The following DLC1 variants were observed in gnomAD, a reference collection of about 807,000 sequenced individuals.
DLC1 encodes the protein DLC1 Rho GTPase activating protein, also known as rho GTPase-activating protein 7.
A neutral mutation model predicts 140.3 loss-of-function variants in DLC1; 54 were observed. The ratio of observed to expected loss-of-function variants is 0.38; its 90% CI spans 0.31 to 0.48. The LOEUF is 0.48. Among genes scored for constraint, DLC1 ranks in the 20% least tolerant of loss-of-function variants. The pLI, the probability that DLC1 is intolerant of heterozygous loss-of-function variation, is 0.96. For missense variants in DLC1, 2,536 were observed against 1,907.0 expected, an observed-to-expected ratio of 1.33 and a Z score of -6.14; for synonymous variants, 986 against 728.1, an observed-to-expected ratio of 1.35 and a Z score of -5.70.
intron 4 of DLC1, among the ~76,000 whole-genome samples, chr8:13,358,142 C>T (rs1222095179): frequency 1.3e-5 from 2 of 152,122 alleles, no homozygotes; most frequent in Non-Finnish European, 2.9e-5. Flanking sequence ...TTCCTATTCA[C>T]CGTAAGTTTT....
intron 5 of DLC1, among the ~76,000 whole-genome samples, chr8:13,231,441 T>G (rs1318462216): frequency 6.6e-6 from 1 of 152,254 alleles, no homozygotes; most frequent in Non-Finnish European, 1.5e-5. Context: ...AGATGATTTC[T>G]AGAGTTTCTA....
chr8:13,195,036 G>T (rs565034769), intron 5 of DLC1, among the ~76,000 whole-genome samples: 1 of 152,234 alleles, frequency 6.6e-6, no homozygotes, highest in South Asian at 2.1e-4. Context: ...AGTAAACCTA[G>T]AAAAACCAAA....
At position 13,114,085 on chromosome 8, in the gene DLC1, G is replaced by T. The variant is rs118157549; in HGVS notation, c.1420+1501C>A. On this transcript the variant is annotated intron_variant, in intron 6 of 17. Coordinates refer to ENST00000276297, the MANE Select transcript of DLC1 (RefSeq NM_182643.3). Reference sequence around the variant, plus strand: ...CCATTTAAATGAACTGCCTAGGCCAGGCGTGGTTGCTCATGTCTGTAATCC... The same window carrying T: ...CCATTTAAATGAACTGCCTAGGCCATGCGTGGTTGCTCATGTCTGTAATCC... Among the ~76,000 whole-genome samples the T allele has an allele frequency of 4.9e-4, 74 of 152,334 alleles. No homozygotes were observed. In the East Asian group the frequency reaches 0.014, roughly 28 times the overall value.
chr8:13,117,741 T>C (rs1303837285), intron 5 of DLC1, among the ~76,000 whole-genome samples: 2 of 152,228 alleles, frequency 1.3e-5, no homozygotes, highest in African/African-American at 2.4e-5. Context: ...CCGCCCTTTT[T>C]TGACGATAGT....
intron 5 of DLC1, among the ~76,000 whole-genome samples, chr8:13,207,088 A>T (rs114592514): frequency 6.6e-6 from 1 of 152,168 alleles, no homozygotes; most frequent in Non-Finnish European, 1.5e-5. Context: ...ATATTGTTAT[A>T]TGAATTTATT....
In DLC1 at chr8:13,213,290, G is replaced by A. The variant is rs572384211; in HGVS notation, c.1348+91979C>T. Reference sequence around the variant, plus strand: ...CCACTGTATAGAGGTGCACAGTTGTGCATTATACACCTCTGTGGGCACTAT... The same window carrying A: ...CCACTGTATAGAGGTGCACAGTTGTACATTATACACCTCTGTGGGCACTAT... On this transcript the variant is annotated intron_variant, in intron 5 of 17. Transcript: ENST00000276297. Among the ~76,000 whole-genome samples the A allele has an allele frequency of 2.6e-5, 4 of 152,246 alleles. No individual in the cohort carries two copies. In the East Asian group the frequency reaches 7.7e-4, roughly 29 times the overall value.
chr8:13,458,029 A>G (rs1231100693), intron 2 of DLC1, among the ~76,000 whole-genome samples: 1 of 152,204 alleles, frequency 6.6e-6, no homozygotes, highest in African/African-American at 2.4e-5. Flanking sequence ...GTAAATTAAT[A>G]ATTGAAAAAC....
At chr8:13,562,354 T>C (rs1336673483) in intron 1 of DLC1, among the ~76,000 whole-genome samples, 1 of 151,892 alleles carries the variant, frequency 6.6e-6, no homozygotes, top group Admixed American at 6.6e-5. Context: ...ACATATGAAG[T>C]GACTCTTGAG....
At chr8:13,219,333 T>C (rs1259631969) in intron 5 of DLC1, among the ~76,000 whole-genome samples, 2 of 121,930 alleles carry the variant, frequency 1.6e-5, no homozygotes, top group Admixed American at 1.7e-4. Context: ...TTCATATAAT[T>C]ATAATTATAT....
chr8:13,538,099 T>C (rs191973231), intron 1 of DLC1, among the ~76,000 whole-genome samples: 20 of 152,318 alleles, frequency 1.3e-4, no homozygotes, highest in Admixed American at 1.0e-3. Context: ...TGTTGAAACT[T>C]CACAGCATTA....
chr8:13,578,044 C>G (rs1340101483), intron 1 of DLC1, among the ~76,000 whole-genome samples: 4 of 151,994 alleles, frequency 2.6e-5, no homozygotes, highest in Non-Finnish European at 5.9e-5. Flanking sequence ...CTCTCACACA[C>G]TCAACAATTT....
At chr8:13,473,489 C>T (rs138011405) in intron 2 of DLC1, among the ~76,000 whole-genome samples, 197 of 152,098 alleles carry the variant, frequency 1.3e-3, no homozygotes, top group Middle Eastern at 6.8e-3. Flanking sequence ...ACCAGTAGAG[C>T]GGGGTGCTGC....
chr8:13,208,371 A>G (rs1827773599), intron 5 of DLC1, among the ~76,000 whole-genome samples: 1 of 152,188 alleles, frequency 6.6e-6, no homozygotes, highest in Admixed American at 6.5e-5. Context: ...GATTTTTGTT[A>G]TCAGGCTCCT....
intron 15 of DLC1, 108 bp downstream of exon 15, chr8:13,090,144 G>T (rs2128928483): frequency 2.9e-6 from 3 of 1,050,778 alleles, no homozygotes; most frequent in South Asian, 1.6e-5. Flanking sequence ...AAGGGAGGTT[G>T]TGGGCTACAG....
At chr8:13,398,607 A>G (rs1234934294) in intron 3 of DLC1, among the ~76,000 whole-genome samples, 1 of 141,960 alleles carries the variant, frequency 7.0e-6, no homozygotes, top group Non-Finnish European at 1.5e-5. Context: ...ATCTCTACCA[A>G]AAAAAAAAAA....
At chr8:13,547,809 C>A (rs758833003) in intron 1 of DLC1, among the ~76,000 whole-genome samples, 1 of 152,018 alleles carries the variant, frequency 6.6e-6, no homozygotes, top group Non-Finnish European at 1.5e-5. Context: ...TCTCTAGAGA[C>A]TTTGTTGAAT....
chr8:13,164,921 T>A (rs763031126), intron 5 of DLC1, among the ~76,000 whole-genome samples: 13 of 152,186 alleles, frequency 8.5e-5, no homozygotes, highest in Admixed American at 2.0e-4. Flanking sequence ...CATTTTCCAT[T>A]TTCTGGAGGC....
chr8:13,205,775 CATAAG>C (rs573752646), intron 5 of DLC1, among the ~76,000 whole-genome samples: 1 of 152,094 alleles, frequency 6.6e-6, no homozygotes, highest in Non-Finnish European at 1.5e-5. Flanking sequence ...CATAAGTAGA[CATAAG>C]AGAGTTTAAA....
chr8:13,522,770 G>T (rs7011895), intron 1 of DLC1, among the ~76,000 whole-genome samples: 3,132 of 152,110 alleles, frequency 0.021, 131 homozygotes, highest in African/African-American at 0.071. Context: ...GGATTGAGGG[G>T]CAATCATGTT....
Sources: gnomAD v4.1 joint callset for allele counts (sites outside exome capture counted in the v4.1 genomes callset) on GRCh38, gnomAD v4.1.1 for gene constraint, MANE v1.5 for transcripts, NCBI Gene and HGNC (gene_info 2026-07-23, HGNC 2026-07-21) for gene names.